UBAC2: variants seen among roughly 807,000 people sequenced by gnomAD.
The protein encoded by UBAC2 is ubiquitin-associated domain-containing protein 2.
UBAC2 carries 26 observed loss-of-function variants against 44.0 expected under a neutral mutation model. That is an observed-to-expected ratio of 0.59 (90% CI 0.43 to 0.82). The LOEUF (loss-of-function observed/expected upper bound fraction) is 0.82. Among genes scored for constraint, UBAC2 ranks in the 40% least tolerant of loss-of-function variants. The pLI, the probability that UBAC2 is intolerant of heterozygous loss-of-function variation, is 0.00. For missense variants in UBAC2, 329 were observed against 419.4 expected (o/e 0.78, Z 1.88); for synonymous variants, 155 against 154.3 (o/e 1.00, Z -0.04).
chr13:99,337,809 A>G (rs190556543), intron 6 of UBAC2, among the ~76,000 whole-genome samples: 1 of 152,206 alleles, frequency 6.6e-6, no homozygotes. Context: ...GAAAGGGTAC[A>G]TGGAGCATGA....
intron 8 of UBAC2, among the ~76,000 whole-genome samples, chr13:99,383,833 T>C (rs1352488523): frequency 6.6e-6 from 1 of 152,232 alleles, no homozygotes; most frequent in Non-Finnish European, 1.5e-5. Context: ...TCCCTAAGGC[T>C]TTTGGGGGAG....
At chr13:99,215,731 A>C (rs1052258226) in intron 1 of UBAC2, 22 of 1,480,932 alleles carry the variant, frequency 1.5e-5, no homozygotes, top group Non-Finnish European at 2.0e-5. Context: ...GCCTTTCCGG[A>C]GTCCTTCCCA....
chr13:99,318,413 C>T (rs2044522368), intron 6 of UBAC2, among the ~76,000 whole-genome samples: 1 of 151,476 alleles, frequency 6.6e-6, no homozygotes. Flanking sequence ...GTGTTCTGCC[C>T]GCCTCAGCCT....
chr13:99,214,415 A>G (rs2042968635), intron 1 of UBAC2, among the ~76,000 whole-genome samples: 1 of 152,044 alleles, frequency 6.6e-6, no homozygotes, highest in Non-Finnish European at 1.5e-5. Context: ...CAAACTTGAA[A>G]TGGCAGGGCT....
chr13:99,238,470 CCTCTCCCTCCTG>C lies in UBAC2; in HGVS notation c.79_90del (p.Ser27_Leu30del). ...AGAGCCTTCTGCTGGTCCCCAGTGC[CCTCTCCCTCCTG>C]CTCGCCCTCCTCCTGCCTCACTGCC... On this transcript the variant is annotated inframe_deletion, in exon 2 of 9. Coordinates refer to ENST00000403766, the MANE Select transcript of UBAC2 (RefSeq NM_001144072.2). The C allele has an allele frequency of 6.2e-7, 1 of 1,613,900 alleles. No individual in the cohort carries two copies. The highest frequency in any genetic ancestry group is 8.5e-7 in the Non-Finnish European group (1 of 1,179,884).
intron 8 of UBAC2, among the ~76,000 whole-genome samples, chr13:99,379,806 T>C (rs1044269955): frequency 1.3e-5 from 2 of 152,276 alleles, no homozygotes; most frequent in African/African-American, 4.8e-5. Context: ...AGCTTGACTT[T>C]CTGTGCTATA....
At chr13:99,251,229 A>T (rs1465558379) in intron 4 of UBAC2, among the ~76,000 whole-genome samples, 1 of 152,188 alleles carries the variant, frequency 6.6e-6, no homozygotes, top group Non-Finnish European at 1.5e-5. Flanking sequence ...TTGATTTGGC[A>T]TCCCGAAACT....
chr13:99,338,949 A>G (rs543487587), intron 6 of UBAC2, among the ~76,000 whole-genome samples: 4 of 152,126 alleles, frequency 2.6e-5, no homozygotes, highest in Non-Finnish European at 5.9e-5. Flanking sequence ...CTGTCTGTCC[A>G]TAGAATATTT....
intron 3 of UBAC2, among the ~76,000 whole-genome samples, 170 bp downstream of exon 3, chr13:99,244,121 T>G (rs558812846): frequency 6.6e-6 from 1 of 152,186 alleles, no homozygotes; most frequent in Admixed American, 6.5e-5. Context: ...AATTTTAAAA[T>G]GTAAGACATT....
chr13:99,237,672 G>A (rs1274348305), intron 1 of UBAC2, among the ~76,000 whole-genome samples: 8 of 152,166 alleles, frequency 5.3e-5, no homozygotes, highest in East Asian at 3.8e-4. Flanking sequence ...ATAATTACCC[G>A]GGCTGGGTGC....
At chr13:99,327,540 G>C (rs2035485932) in intron 6 of UBAC2, among the ~76,000 whole-genome samples, 1 of 152,044 alleles carries the variant, frequency 6.6e-6, no homozygotes, top group Admixed American at 6.6e-5. Context: ...GACTGACTGT[G>C]TTGATATTTT....
At chr13:99,217,740 C>A (rs2043013607) in intron 1 of UBAC2, among the ~76,000 whole-genome samples, 1 of 152,196 alleles carries the variant, frequency 6.6e-6, no homozygotes, top group South Asian at 2.1e-4. Context: ...AGGAGAGTTA[C>A]TTGCCAGCAC....
At chr13:99,255,262 A>G in intron 4 of UBAC2, 2 of 1,614,096 alleles carry the variant, frequency 1.2e-6, no homozygotes, top group Non-Finnish European at 1.7e-6. Flanking sequence ...GTAGCACCCA[A>G]TCATGATGAA....
At chr13:99,380,319 A>G (rs1173396465) in intron 8 of UBAC2, among the ~76,000 whole-genome samples, 4 of 152,304 alleles carry the variant, frequency 2.6e-5, no homozygotes, top group Admixed American at 2.0e-4. Flanking sequence ...GATGCTTCAC[A>G]TGCCGAGTAA....
chr13:99,328,249 A>T (rs921573280), intron 6 of UBAC2, among the ~76,000 whole-genome samples: 3 of 152,218 alleles, frequency 2.0e-5, no homozygotes, highest in Non-Finnish European at 4.4e-5. Flanking sequence ...TTGTTTATCC[A>T]TTCACCAATT....
At chr13:99,326,596 G>A (rs755614190) in intron 6 of UBAC2, among the ~76,000 whole-genome samples, 4 of 152,150 alleles carry the variant, frequency 2.6e-5, no homozygotes, top group Admixed American at 1.3e-4. Flanking sequence ...CTTACAATGT[G>A]TACTGCCTTA....
In UBAC2 at chr13:99,257,924, TTTG is replaced by T. The variant is rs1227749042; in HGVS notation, c.389+13303_389+13305del. On this transcript the variant is annotated intron_variant, in intron 4 of 8. Transcript: ENST00000403766. Reference sequence around the variant, plus strand: ...ATTTCAAGGTCTTTCACCAACATAGTTTGTTATGTTTATTTTTTTAATTAAATA... The same window carrying T: ...ATTTCAAGGTCTTTCACCAACATAGTTTATGTTTATTTTTTTAATTAAATA... Among the ~76,000 whole-genome samples, 29 of 152,268 alleles carry T rather than the reference TTTG, an allele frequency of 1.9e-4. No homozygotes were observed. In the South Asian group the frequency reaches 5.0e-3, roughly 26 times the overall value.
chr13:99,349,040 G>A (rs1371617702), intron 7 of UBAC2, among the ~76,000 whole-genome samples: 1 of 152,166 alleles, frequency 6.6e-6, no homozygotes, highest in African/African-American at 2.4e-5. Flanking sequence ...TGTGTGCTCA[G>A]GATATTGTTG....
intron 8 of UBAC2, among the ~76,000 whole-genome samples, chr13:99,368,688 A>AGTGT (rs35193753): frequency 0.063 from 9,174 of 146,526 alleles, 325 homozygotes; most frequent in South Asian, 0.11. Context: ...CTCATGAGAG[A>AGTGT]GTGTGTGTGT....
Sources: gnomAD v4.1 joint callset for allele counts (sites outside exome capture counted in the v4.1 genomes callset) on GRCh38, gnomAD v4.1.1 for gene constraint, MANE v1.5 for transcripts, NCBI Gene and HGNC (gene_info 2026-07-23, HGNC 2026-07-21) for gene names.